REXO1: variants seen among roughly 807,000 people sequenced by gnomAD.
The protein encoded by REXO1 is REX1, RNA exonuclease 1 homolog.
REXO1 carries 42 observed loss-of-function variants against 102.6 expected under a neutral mutation model. The ratio of observed to expected loss-of-function variants is 0.41; its 90% CI spans 0.32 to 0.53. REXO1 has a LOEUF of 0.53. Ranked by LOEUF, REXO1 falls within the 20% of genes least tolerant of loss-of-function variation. The pLI is 0.27. For synonymous variants in REXO1, 908 were observed against 779.1 expected, an observed-to-expected ratio of 1.17 and a Z score of -2.76; for missense variants, 1,819 against 1,732.5, an observed-to-expected ratio of 1.05 and a Z score of -0.89.
chr19:1,821,741 G>GGGC (rs2069549018), intron 4 of REXO1, 59 bp from the exon 5 acceptor site: 17 of 1,517,062 alleles, frequency 1.1e-5, no homozygotes, highest in Non-Finnish European at 1.5e-5. Context: ...CCACGTGGCG[G>GGGC]AGCACCAGGC....
intron 1 of REXO1, chr19:1,830,816 C>A: frequency 5.7e-6 from 1 of 176,140 alleles, no homozygotes; most frequent in Non-Finnish European, 1.3e-5. Context: ...AGAACCCGTG[C>A]CACAGACAGA....
chr19:1,836,979 C>T (rs992339796), intron 1 of REXO1, among the ~76,000 whole-genome samples: 7 of 152,176 alleles, frequency 4.6e-5, no homozygotes, highest in South Asian at 2.1e-4. Flanking sequence ...CCTGACACTG[C>T]GGCATGAGAT....
chr19:1,818,206 C>A (rs1196389661), intron 10 of REXO1, among the ~76,000 whole-genome samples: 2 of 152,230 alleles, frequency 1.3e-5, no homozygotes, highest in Non-Finnish European at 2.9e-5. Flanking sequence ...TTCCATGGAC[C>A]AAGGGCACAG....
intron 1 of REXO1, among the ~76,000 whole-genome samples, chr19:1,843,597 C>T (rs2011398767): frequency 6.6e-6 from 1 of 152,174 alleles, no homozygotes; most frequent in South Asian, 2.1e-4. Context: ...GCCCGATTGC[C>T]CACCTGCCAC....
At chr19:1,832,824 G>C (rs1272425027) in intron 1 of REXO1, among the ~76,000 whole-genome samples, 1 of 151,150 alleles carries the variant, frequency 6.6e-6, no homozygotes, top group Non-Finnish European at 1.5e-5. Flanking sequence ...GCTGAGGCAG[G>C]AGAATCGCTT....
intron 12 of REXO1, 173 bp downstream of exon 12, chr19:1,817,046 T>C (rs1336895674): frequency 2.4e-6 from 2 of 843,240 alleles, no homozygotes; most frequent in Non-Finnish European, 3.6e-6. Context: ...TGCTTGGCTC[T>C]GCTGGGAAGT....
intron 1 of REXO1, among the ~76,000 whole-genome samples, chr19:1,832,914 CA>C (rs71174388): frequency 0.36 from 26,963 of 75,858 alleles, 2,835 homozygotes; most frequent in African/African-American, 0.45. Flanking sequence ...GACTCTGTCT[CA>C]AAAAAAAAAA....
Position 1,823,773 on chromosome 19 carries a change from T to G in REXO1, c.2029A>C (p.Arg677=). ...GCCGGGGGCACCGCGGGACCCCTCC[T>G]CGGGGGCTCCACCTGCGTCACCACA... The part of the protein sequence containing the change: ...SKQGQEVEPP[R]RGPAVPPARP... Residue 677 remains arginine, a synonymous_variant, in exon 4 of 16, where the codon AGG becomes CGG. Transcript: ENST00000170168. The G allele has an allele frequency of 8.0e-7, 1 of 1,245,576 alleles. No individual in the cohort carries two copies. The highest frequency in any genetic ancestry group is 3.1e-5 in the East Asian group (1 of 32,714). The allele number at this position is 1,245,576 out of a possible 1,614,324, so 77.2% of individuals were successfully genotyped here.
rs1301792241 is a variant in REXO1, at chr19:1,826,194, A to C, written c.1912-251T>G. Among the ~76,000 whole-genome samples, 1 of 152,148 alleles carries C rather than the reference A, an allele frequency of 6.6e-6. No homozygotes were observed. The highest frequency in any genetic ancestry group is 1.5e-5 in the Non-Finnish European group (1 of 68,024). ...CCCAGGGCCCCAGCTTGGAGACCCC[A>C]GGGCTGCAGAATGAAAGCACACTGG... On this transcript the variant is annotated intron_variant, in intron 2 of 15. Coordinates refer to ENST00000170168, the MANE Select transcript of REXO1 (RefSeq NM_020695.4). The surrounding 1 kb of genome is among the most constrained non-coding windows in gnomAD (Gnocchi z 4.3).
intron 1 of REXO1, chr19:1,835,059 C>A: frequency 2.9e-6 from 1 of 343,480 alleles, no homozygotes; most frequent in Non-Finnish European, 6.3e-6. Flanking sequence ...CAGCTCAGAA[C>A]AGGGGGTACG....
rs973511397 is a variant in REXO1, at chr19:1,833,696, T to C, written c.158-5065A>G. ...ACTGGGGGAGGCTCCGGCTCCTCCC[T>C]GACCCAGCCGGCTGCAGAGCACGCC... On this transcript the variant is annotated intron_variant, in intron 1 of 15. Coordinates refer to ENST00000170168, the MANE Select transcript of REXO1 (RefSeq NM_020695.4). Among the ~76,000 whole-genome samples, 20 of 152,292 alleles carry C rather than the reference T, an allele frequency of 1.3e-4. No individual in the cohort carries two copies. In the Middle Eastern group the frequency reaches 0.01, roughly 78 times the overall value.
chr19:1,823,526 A>G, intron 4 of REXO1, 46 bp downstream of exon 4: 1 of 1,251,130 alleles, frequency 8.0e-7, no homozygotes, highest in Non-Finnish European at 1.0e-6. Flanking sequence ...TCTCCTGCCC[A>G]CATGCCCACG....
rs532961645 is a variant in REXO1, at chr19:1,815,932, C to G, written c.*134G>C. 245 of 1,534,888 alleles carry G rather than the reference C, an allele frequency of 1.6e-4. 1 individual carries two copies. The East Asian group carries it at 4.3e-3, about 27-fold the overall frequency. On this transcript the variant is annotated 3_prime_UTR_variant, in exon 16 of 16. Coordinates refer to ENST00000170168, the MANE Select transcript of REXO1 (RefSeq NM_020695.4). This position sits in a 1 kb window ranked among gnomAD's most constrained non-coding sequence, Gnocchi z 4.0. ...GCTGGGCTGGGCGTTCTCTGGCCGC[C>G]AGCTCATCCCGCTGCTCTGGGCTGC...
chr19:1,829,536 C>T (rs917194317), intron 1 of REXO1, among the ~76,000 whole-genome samples: 3 of 152,046 alleles, frequency 2.0e-5, no homozygotes, highest in East Asian at 1.9e-4. Flanking sequence ...TAGCTGGGCG[C>T]GGTGGCGCAC....
chr19:1,826,256 G>T lies in REXO1; in HGVS notation c.1912-313C>A, dbSNP rs546828992. 1.3e-5 allele frequency among the ~76,000 whole-genome samples: 2 copies of T among 152,130 alleles called. No individual in the cohort carries two copies. ...CACCTTGGGCCGAACCAGCTGCTGC[G>T]GGCTGAGCACTTGGGCTCAGTCTGT... On this transcript the variant is annotated intron_variant, in intron 2 of 15. Transcript: ENST00000170168. This position sits in a 1 kb window ranked among gnomAD's most constrained non-coding sequence, Gnocchi z 4.3.
At chr19:1,822,070 G>C (rs2069561571) in intron 4 of REXO1, 1 of 474,232 alleles carries the variant, frequency 2.1e-6, no homozygotes, top group Non-Finnish European at 3.7e-6. Flanking sequence ...TGCGGCCTCT[G>C]TGTTCTGCCT....
rs749820997 is a variant in REXO1, at chr19:1,816,303, G to A, written c.3499C>T (p.His1167Tyr). Residue 1167 changes from histidine (H) to tyrosine (Y), a missense_variant, in exon 15 of 16, where the codon CAC becomes TAC. His to Tyr is a moderately conservative substitution (Grantham distance 83). Transcript: ENST00000170168. Reference sequence around the variant, plus strand: ...CGCTTGTAGGGGAGGCCCAGGCGGTGGGGGAAGAGCACAGACGTGTCCACC... The same window carrying A: ...CGCTTGTAGGGGAGGCCCAGGCGGTAGGGGAAGAGCACAGACGTGTCCACC... ...TVVDTSVLFP[H>Y]RLGLPYKRSL... 2 of 1,589,942 alleles carry A rather than the reference G, an allele frequency of 1.3e-6. No individual in the cohort carries two copies. Among genetic ancestry groups the A allele is most frequent in the Non-Finnish European group, 1.7e-6 (2 of 1,168,762 alleles).
intron 5 of REXO1, 140 bp from the exon 6 acceptor site, chr19:1,820,535 A>G: frequency 1.0e-6 from 1 of 953,998 alleles, no homozygotes; most frequent in Non-Finnish European, 1.6e-6. Flanking sequence ...TGCAGTAGGG[A>G]CAGACACGCC....
intron 5 of REXO1, among the ~76,000 whole-genome samples, chr19:1,820,810 T>C (rs1293767664): frequency 1.3e-5 from 2 of 150,188 alleles, no homozygotes; most frequent in African/African-American, 4.9e-5. Context: ...CTGGACAACG[T>C]GGCAAAACCC....
Sources: allele counts gnomAD v4.1 joint callset (sites outside exome capture counted in the v4.1 genomes callset), GRCh38; gene constraint gnomAD v4.1.1; non-coding constraint Gnocchi (gnomAD v3.1); transcripts MANE v1.5; gene names NCBI Gene and HGNC (gene_info 2026-07-23, HGNC 2026-07-21).